The following FREM1 variants were observed in gnomAD, a reference collection of about 807,000 sequenced individuals.
The protein encoded by FREM1 is FRAS1 related extracellular matrix 1.
Under a neutral mutation model 210.1 loss-of-function variants are expected in FREM1, and 220 were observed. That is an observed-to-expected ratio of 1.05 (90% confidence interval 0.94 to 1.17). The LOEUF is 1.17. Ranked by LOEUF, FREM1 falls within the 50% of genes most tolerant of loss-of-function variation. The probability of loss-of-function intolerance (pLI) is 0.00; values close to 1 mark genes in which losing one functional copy is unlikely to be tolerated. For synonymous variants in FREM1, 1,189 were observed against 980.2 expected (o/e 1.21, Z -3.98); for missense variants, 3,454 against 2,675.5 (o/e 1.29, Z -6.42).
chr9:14,840,111 C>T (rs555910052), intron 10 of FREM1, among the ~76,000 whole-genome samples: 14 of 152,306 alleles, frequency 9.2e-5, no homozygotes, highest in African/African-American at 3.1e-4. Flanking sequence ...TTCTGTTATA[C>T]TCTTCTTAGC....
intron 36 of FREM1, among the ~76,000 whole-genome samples, chr9:14,738,582 G>A (rs1840835048): frequency 1.8e-5 from 2 of 113,534 alleles, no homozygotes; most frequent in Non-Finnish European, 1.8e-5. Flanking sequence ...GGGACCCACT[G>A]AGCACTGCAG....
At position 14,750,120 on chromosome 9, in the gene FREM1, A is replaced by G; in HGVS notation, c.5557+7T>C. The G allele has an allele frequency of 1.2e-6, 2 of 1,613,446 alleles. No homozygotes were observed. Among genetic ancestry groups the G allele is most frequent in the Admixed American group, 1.7e-5 (1 of 59,894 alleles). Reference sequence around the variant, plus strand: ...TCCTGATTTCAAGATGAGGATCAAAAGAATACCTCCTTTTGAGTCCAAAAT... The same window carrying G: ...TCCTGATTTCAAGATGAGGATCAAAGGAATACCTCCTTTTGAGTCCAAAAT... On this transcript the variant is annotated splice_region_variant and intron_variant, in intron 30 of 36. Coordinates refer to ENST00000380880, the MANE Select transcript of FREM1 (RefSeq NM_001379081.2).
chr9:14,880,846 GTCA>G (rs1834669569), intron 1 of FREM1, among the ~76,000 whole-genome samples: 1 of 152,160 alleles, frequency 6.6e-6, no homozygotes, highest in African/African-American at 2.4e-5. Flanking sequence ...AGGTAAATAT[GTCA>G]TCATGTAATT....
At chr9:14,873,558 C>A (rs941276747) in intron 1 of FREM1, among the ~76,000 whole-genome samples, 2 of 106,468 alleles carry the variant, frequency 1.9e-5, no homozygotes. Context: ...ATTCTTCTCT[C>A]TTTTCTTCAT....
intron 7 of FREM1, among the ~76,000 whole-genome samples, chr9:14,847,563 G>T (rs898181955): frequency 6.6e-6 from 1 of 152,108 alleles, no homozygotes; most frequent in Non-Finnish European, 1.5e-5. Context: ...ACGGAGCACA[G>T]CAGAGGAACA....
In FREM1 at chr9:14,748,443, A is replaced by C. The variant is rs143345228; in HGVS notation, c.5754T>G (p.Asp1918Glu). Reference protein sequence around the residue: ...GDTLRGFDSTDLSQRKLRTRG... With the variant: ...GDTLRGFDSTELSQRKLRTRG... ...GGGTCCTAAGCTTCCTTTGAGAAAG[A>C]TCTGTAGAATCAAAGCCCCGCAGGG... is the stretch of plus-strand genomic sequence containing the variant. Residue 1918 changes from aspartate (D) to glutamate (E), a missense_variant, in exon 31 of 37, where the codon GAT (aspartate) becomes GAG (glutamate). Coordinates refer to ENST00000380880, the MANE Select transcript of FREM1 (RefSeq NM_001379081.2). 26 of 1,613,578 alleles carry C rather than the reference A, an allele frequency of 1.6e-5. No individual in the cohort carries two copies. The African/African-American group carries it at 3.1e-4, about 19-fold the overall frequency.
chr9:14,800,084 G>C (rs1853246504), intron 20 of FREM1, among the ~76,000 whole-genome samples: 1 of 151,748 alleles, frequency 6.6e-6, no homozygotes, highest in Admixed American at 6.6e-5. Context: ...TTAAACCTGA[G>C]ATGATTTTTG....
In FREM1 at chr9:14,861,057, A is replaced by ATG. The variant is rs1414993838; in HGVS notation, c.330-1574_330-1573insCA. On this transcript the variant is annotated intron_variant, in intron 3 of 36. Coordinates refer to ENST00000380880, the MANE Select transcript of FREM1 (RefSeq NM_001379081.2). ...TATATACATATATACATATATACAT[A>ATG]TATACACATATACATATATACATAT... Among the ~76,000 whole-genome samples the ATG allele has an allele frequency of 5.6e-4, 42 of 74,466 alleles. 4 individuals carry two copies. Among genetic ancestry groups the ATG allele is most frequent in the African/African-American group, 2.8e-3 (41 of 14,386 alleles). 48.9% of individuals were successfully genotyped at this position (74,466 alleles called of 152,430 possible). A position where few individuals can be genotyped will look rare whatever the true frequency, so the allele number is the denominator to read the frequency against.
chr9:14,739,239 G>A (rs1432010090), intron 36 of FREM1, among the ~76,000 whole-genome samples: 1 of 150,768 alleles, frequency 6.6e-6, no homozygotes, highest in South Asian at 2.1e-4. Flanking sequence ...AAGTAGGTGG[G>A]ACTACTGTTA....
At chr9:14,861,683 T>A (rs890059016) in intron 3 of FREM1, among the ~76,000 whole-genome samples, 1 of 151,894 alleles carries the variant, frequency 6.6e-6, no homozygotes, top group Non-Finnish European at 1.5e-5. Context: ...ATTTTTGTAT[T>A]TTTAGTAGAG....
At chr9:14,904,741 C>T (rs987807539) in intron 1 of FREM1, among the ~76,000 whole-genome samples, 5 of 152,022 alleles carry the variant, frequency 3.3e-5, no homozygotes, top group Admixed American at 2.0e-4. Flanking sequence ...AGGTACTTTC[C>T]GGGATCACTT....
At chr9:14,866,245 A>G (rs1296283260) in intron 2 of FREM1, among the ~76,000 whole-genome samples, 1 of 152,160 alleles carries the variant, frequency 6.6e-6, no homozygotes, top group Non-Finnish European at 1.5e-5. Context: ...GATGGAGATG[A>G]CTTGCAGGCC....
At chr9:14,878,448 G>A (rs1028274108) in intron 1 of FREM1, among the ~76,000 whole-genome samples, 2 of 152,082 alleles carry the variant, frequency 1.3e-5, no homozygotes, top group Non-Finnish European at 2.9e-5. Context: ...CACTTGCAGT[G>A]TGGTCACACC....
chr9:14,781,754 A>C (rs745783921), intron 24 of FREM1, among the ~76,000 whole-genome samples: 1 of 152,116 alleles, frequency 6.6e-6, no homozygotes, highest in Non-Finnish European at 1.5e-5. Flanking sequence ...CCCAGGCTGG[A>C]GTGTAGTGGC....
At chr9:14,871,010 T>C (rs1588499598) in intron 1 of FREM1, among the ~76,000 whole-genome samples, 1 of 152,112 alleles carries the variant, frequency 6.6e-6, no homozygotes, top group East Asian at 1.9e-4. Flanking sequence ...CTGCATAGTA[T>C]TCCATGGTGT....
intron 1 of FREM1, among the ~76,000 whole-genome samples, chr9:14,891,036 T>C (rs1377105428): frequency 7.2e-5 from 11 of 152,208 alleles, no homozygotes; most frequent in Admixed American, 3.3e-4. Context: ...ATCAGGGACC[T>C]ACCGTGGGCA....
intron 1 of FREM1, among the ~76,000 whole-genome samples, chr9:14,890,323 GT>G (rs1476510599): frequency 6.6e-6 from 1 of 152,160 alleles, no homozygotes; most frequent in Non-Finnish European, 1.5e-5. Context: ...ACCCTGCCAT[GT>G]TTTGCAAACT....
At chr9:14,747,242 G>A (rs1272935093) in intron 33 of FREM1, 22 bp downstream of exon 33, 1 of 1,606,294 alleles carries the variant, frequency 6.2e-7, no homozygotes, top group Non-Finnish European at 8.5e-7. Flanking sequence ...AGGTGAGTAA[G>A]AAGGAACAAA....
chr9:14,771,671 G>A (rs1025373333), intron 25 of FREM1, among the ~76,000 whole-genome samples: 3 of 151,972 alleles, frequency 2.0e-5, no homozygotes, highest in Non-Finnish European at 4.4e-5. Flanking sequence ...CTAATCTCTC[G>A]GTTCTTAATT....
Sources: gnomAD v4.1 joint callset for allele counts (sites outside exome capture counted in the v4.1 genomes callset) on GRCh38, gnomAD v4.1.1 for gene constraint, MANE v1.5 for transcripts, NCBI Gene and HGNC (gene_info 2026-07-23, HGNC 2026-07-21) for gene names.